Variants in IL1RAPL1 observed in about 807,000 individuals in gnomAD.
IL1RAPL1 encodes the protein interleukin 1 receptor accessory protein like 1.
In IL1RAPL1, 3 loss-of-function variants were observed where a neutral mutation model predicts 48.4. The observed-to-expected ratio is 0.06, with a 90% CI of 0.03 to 0.16. The LOEUF is 0.16. Ranked by LOEUF, IL1RAPL1 falls within the 10% of genes least tolerant of loss-of-function variation. IL1RAPL1 has a pLI of 1.00. For synonymous variants in IL1RAPL1, 185 were observed against 187.7 expected (o/e 0.99, Z 0.12); for missense variants, 349 against 530.6 (o/e 0.66, Z 3.36).
intron 6 of IL1RAPL1, among the ~76,000 whole-genome samples, chrX:29,758,120 C>G: frequency 8.9e-6 from 1 of 111,800 alleles, no homozygotes; most frequent in Non-Finnish European, 1.9e-5. Flanking sequence ...ATCAAGTAGA[C>G]ATTCCCTCCA....
At chrX:29,535,906 A>G (rs1380580053) in intron 5 of IL1RAPL1, among the ~76,000 whole-genome samples, 1 of 111,946 alleles carries the variant, frequency 8.9e-6, no homozygotes, top group Non-Finnish European at 1.9e-5. Flanking sequence ...GTGCATAGCT[A>G]TTTTCCTGGG....
intron 6 of IL1RAPL1, among the ~76,000 whole-genome samples, chrX:29,808,544 T>C (rs1252468555): frequency 9.0e-6 from 1 of 111,546 alleles, no homozygotes; most frequent in African/African-American, 3.3e-5. Context: ...TAAGATCAAG[T>C]TTCTTCATTG....
intron 6 of IL1RAPL1, among the ~76,000 whole-genome samples, chrX:29,677,727 T>C (rs1926325758): frequency 8.9e-6 from 1 of 112,408 alleles, no homozygotes; most frequent in Non-Finnish European, 1.9e-5. Flanking sequence ...ATTGTGACTT[T>C]CTGCCTCCTC....
intron 2 of IL1RAPL1, among the ~76,000 whole-genome samples, chrX:29,018,102 C>T (rs964672962): frequency 3.6e-5 from 4 of 111,711 alleles, no homozygotes; most frequent in Non-Finnish European, 5.7e-5. Context: ...TCATGATTAT[C>T]ACCTTTGTAT....
chrX:28,702,011 C>A (rs1168652875), intron 1 of IL1RAPL1, among the ~76,000 whole-genome samples: 2 of 111,142 alleles, frequency 1.8e-5, no homozygotes, highest in Non-Finnish European at 3.8e-5. Context: ...GGAGTTTTAC[C>A]AGGCTCTCGT....
intron 2 of IL1RAPL1, among the ~76,000 whole-genome samples, chrX:28,852,033 A>G (rs182305578): frequency 5.4e-5 from 6 of 112,040 alleles, no homozygotes; most frequent in East Asian, 2.8e-4. Flanking sequence ...TAAAATGCCA[A>G]TAGGAGGTAT....
chrX:29,518,891 G>A (rs748080326), intron 5 of IL1RAPL1, among the ~76,000 whole-genome samples: 36 of 112,065 alleles, frequency 3.2e-4, no homozygotes, highest in African/African-American at 1.1e-3. Flanking sequence ...AGACCAGTTA[G>A]GAGTCTGCAA....
chrX:28,604,719 C>CAAAA (rs778056286), intron 1 of IL1RAPL1, among the ~76,000 whole-genome samples: 1 of 27,970 alleles, frequency 3.6e-5, no homozygotes, highest in Non-Finnish European at 7.2e-5. Context: ...GAGCGAGACT[C>CAAAA]AAAAAAAAAA....
At chrX:29,772,666 G>A (rs1929097480) in intron 6 of IL1RAPL1, among the ~76,000 whole-genome samples, 1 of 111,920 alleles carries the variant, frequency 8.9e-6, no homozygotes, top group Non-Finnish European at 1.9e-5. Flanking sequence ...CAAGACAATG[G>A]GTAGAACCTA....
rs199869467 is a variant in IL1RAPL1, at chrX:28,832,822, A to ATT, written c.82+43414_82+43415dup. The stretch of plus-strand genomic sequence containing the variant: ...TCTGTTAAATTTCTTATTTTTTTCA[A>ATT]TTTTTTTTTTTTTTTTTTAGATTCA... On this transcript the variant is annotated intron_variant, in intron 2 of 10. Coordinates refer to ENST00000378993, the MANE Select transcript of IL1RAPL1 (RefSeq NM_014271.4). Among the ~76,000 whole-genome samples, 138 of 80,375 alleles carry ATT rather than the reference A, an allele frequency of 1.7e-3. 1 individual carries two copies. Among genetic ancestry groups the ATT allele is most frequent in the East Asian group, 2.0e-3 (5 of 2,552 alleles). The allele number at this position is 80,375 out of a possible 115,157, so 69.8% of individuals were successfully genotyped here.
At chrX:29,648,879 G>C (rs1035828512) in intron 5 of IL1RAPL1, among the ~76,000 whole-genome samples, 3 of 111,290 alleles carry the variant, frequency 2.7e-5, no homozygotes, top group Non-Finnish European at 5.7e-5. Flanking sequence ...CCTTTAACTA[G>C]ATTAAGAAGA....
chrX:29,239,638 G>A (rs975913731), intron 2 of IL1RAPL1, among the ~76,000 whole-genome samples: 2 of 111,893 alleles, frequency 1.8e-5, no homozygotes, highest in South Asian at 3.7e-4. Context: ...CGTGGCCTGC[G>A]GGCTGCATGC....
intron 2 of IL1RAPL1, among the ~76,000 whole-genome samples, chrX:29,249,244 G>C (rs1264287863): frequency 9.0e-6 from 1 of 111,001 alleles, no homozygotes; most frequent in Non-Finnish European, 1.9e-5. Context: ...CTTATTGTAT[G>C]GTCAACTCAG....
At chrX:28,689,717 T>C (rs1271524730) in intron 1 of IL1RAPL1, among the ~76,000 whole-genome samples, 1 of 112,040 alleles carries the variant, frequency 8.9e-6, no homozygotes, top group Non-Finnish European at 1.9e-5. Flanking sequence ...CAAGCTCCAC[T>C]TGAGGACCTT....
intron 2 of IL1RAPL1, among the ~76,000 whole-genome samples, chrX:28,861,026 G>C (rs1489177109): frequency 9.0e-6 from 1 of 110,668 alleles, no homozygotes; most frequent in Non-Finnish European, 1.9e-5. Flanking sequence ...TAATAAATCT[G>C]TTTATAAGAA....
chrX:28,690,245 G>A (rs1935162783), intron 1 of IL1RAPL1, among the ~76,000 whole-genome samples: 1 of 111,628 alleles, frequency 9.0e-6, no homozygotes, highest in African/African-American at 3.3e-5. Context: ...TCCACGAATG[G>A]CTTCCGGGGT....
chrX:29,097,626 A>C (rs946355567), intron 2 of IL1RAPL1, among the ~76,000 whole-genome samples: 6 of 111,778 alleles, frequency 5.4e-5, no homozygotes, highest in African/African-American at 2.0e-4. Flanking sequence ...AGTTAAGACC[A>C]GTGACACCCA....
chrX:28,822,706 T>C (rs1192348934), intron 2 of IL1RAPL1, among the ~76,000 whole-genome samples: 1 of 111,468 alleles, frequency 9.0e-6, no homozygotes, highest in Non-Finnish European at 1.9e-5. Flanking sequence ...AATGATAAAG[T>C]ATCTGGGAAC....
At chrX:28,853,447 A>T (rs1235541446) in intron 2 of IL1RAPL1, among the ~76,000 whole-genome samples, 4 of 67,444 alleles carry the variant, frequency 5.9e-5, no homozygotes, top group Non-Finnish European at 9.4e-5. Flanking sequence ...ATACCTTTTT[A>T]TCCTGTTTCC....
Sources: allele counts gnomAD v4.1 joint callset (sites outside exome capture counted in the v4.1 genomes callset), GRCh38; gene constraint gnomAD v4.1.1; transcripts MANE v1.5; gene names NCBI Gene and HGNC (gene_info 2026-07-23, HGNC 2026-07-21).